The following POLN variants were observed in gnomAD, a reference collection of about 807,000 sequenced individuals.
POLN encodes the protein DNA polymerase N.
In POLN, 108 loss-of-function variants were observed where a neutral mutation model predicts 113.5. The ratio of observed to expected loss-of-function variants is 0.95; its 90% CI spans 0.81 to 1.12. The LOEUF is 1.12. Among genes scored for constraint, POLN ranks in the 50% most tolerant of loss-of-function variants. The pLI is 0.00. For missense variants in POLN, 1,097 were observed against 1,077.1 expected (o/e 1.02, Z -0.26); for synonymous variants, 386 against 391.5 (o/e 0.99, Z 0.17).
intron 16 of POLN, among the ~76,000 whole-genome samples, chr4:2,144,679 C>T (rs1169189882): frequency 6.6e-6 from 1 of 152,098 alleles, no homozygotes; most frequent in Admixed American, 6.5e-5. Context: ...TCCCCCACAC[C>T]CCAATAATCC....
intron 5 of POLN, among the ~76,000 whole-genome samples, chr4:2,201,040 G>A (rs1733696390): frequency 6.6e-6 from 1 of 152,204 alleles, no homozygotes; most frequent in African/African-American, 2.4e-5. Flanking sequence ...GGCCAAGGCA[G>A]GCAGATCATG....
intron 23 of POLN, chr4:2,077,004 A>C (rs1331773870): frequency 6.7e-6 from 1 of 149,238 alleles, no homozygotes; most frequent in Admixed American, 6.7e-5. Context: ...CAAGGAGGCT[A>C]TTTTTTTTTT....
chr4:2,112,511 T>A (rs1443133582), intron 19 of POLN, among the ~76,000 whole-genome samples: 1 of 152,108 alleles, frequency 6.6e-6, no homozygotes, highest in Non-Finnish European at 1.5e-5. Context: ...ATATCCAGAA[T>A]CTACAATGAA....
chr4:2,100,218 C>A (rs1346355150), intron 19 of POLN, among the ~76,000 whole-genome samples: 2 of 152,000 alleles, frequency 1.3e-5, no homozygotes, highest in East Asian at 3.9e-4. Flanking sequence ...GTCTAGTGGG[C>A]TTATGGAAAT....
chr4:2,138,286 T>G (rs2108729690), intron 16 of POLN, among the ~76,000 whole-genome samples: 1 of 152,288 alleles, frequency 6.6e-6, no homozygotes, highest in Middle Eastern at 3.4e-3. Context: ...CCCAAAGCCC[T>G]AAGAGCTAGG....
intron 11 of POLN, among the ~76,000 whole-genome samples, chr4:2,171,687 C>A (rs1732865526): frequency 6.6e-6 from 1 of 150,464 alleles, no homozygotes; most frequent in African/African-American, 2.4e-5. Context: ...CACCGGTGAT[C>A]CCAGCACTTT....
chr4:2,221,457 A>C (rs1313593115), intron 3 of POLN, among the ~76,000 whole-genome samples: 1 of 152,198 alleles, frequency 6.6e-6, no homozygotes, highest in Non-Finnish European at 1.5e-5. Context: ...ACCTGAGACA[A>C]ATGGGGATCT....
chr4:2,133,111 G>C (rs1207814725), intron 16 of POLN, among the ~76,000 whole-genome samples: 2 of 146,524 alleles, frequency 1.4e-5, no homozygotes, highest in Admixed American at 1.4e-4. Flanking sequence ...TTTGAGGCCA[G>C]CCTGATGTAA....
At position 2,085,753 on chromosome 4, in the gene POLN, CAG is replaced by C. The variant is rs1165726360; in HGVS notation, c.2066-11_2066-10del. The stretch of plus-strand genomic sequence containing the variant: ...AGCCAGCCGCTCCTTCCCTGTCAGT[CAG>C]AGAGACGCATGTCAAAGCCTCACTC... On this transcript the variant is annotated splice_polypyrimidine_tract_variant and intron_variant, in intron 20 of 25. Coordinates refer to ENST00000511885, the MANE Select transcript of POLN (RefSeq NM_181808.4). 10 of 1,613,136 alleles carry C rather than the reference CAG, an allele frequency of 6.2e-6. 1 individual carries two copies. In the South Asian group the frequency reaches 7.7e-5, roughly 12 times the overall value.
chr4:2,143,887 T>C (rs986926085), intron 16 of POLN, among the ~76,000 whole-genome samples: 4 of 152,148 alleles, frequency 2.6e-5, no homozygotes, highest in African/African-American at 9.7e-5. Context: ...AACCTGTATA[T>C]GAATGTCTTT....
At chr4:2,138,666 T>A (rs977479206) in intron 16 of POLN, among the ~76,000 whole-genome samples, 1 of 151,718 alleles carries the variant, frequency 6.6e-6, no homozygotes, top group African/African-American at 2.4e-5. Context: ...CTTTGAGAGG[T>A]TGAGGTGGGC....
intron 20 of POLN, among the ~76,000 whole-genome samples, chr4:2,091,624 A>T (rs1011002594): frequency 2.0e-5 from 3 of 152,062 alleles, no homozygotes; most frequent in Admixed American, 6.5e-5. Flanking sequence ...GATTCCGTTG[A>T]TCCTGTTTCA....
At chr4:2,149,668 C>T (rs1732240219) in intron 16 of POLN, among the ~76,000 whole-genome samples, 1 of 152,056 alleles carries the variant, frequency 6.6e-6, no homozygotes, top group Non-Finnish European at 1.5e-5. Flanking sequence ...CATCTGTGGT[C>T]CTAGCTACTC....
chr4:2,080,722 G>A (rs1444768567), intron 23 of POLN: 1 of 1,412,286 alleles, frequency 7.1e-7, no homozygotes, highest in South Asian at 1.5e-5. Context: ...GTCTGGGGGA[G>A]ACAGCATTTC....
At chr4:2,163,491 C>T (rs938543040) in intron 13 of POLN, among the ~76,000 whole-genome samples, 1 of 152,242 alleles carries the variant, frequency 6.6e-6, no homozygotes, top group Non-Finnish European at 1.5e-5. Flanking sequence ...ACCATGGCTC[C>T]GCGGGCTCAC....
At chr4:2,165,282 G>T (rs1732702061) in intron 13 of POLN, among the ~76,000 whole-genome samples, 1 of 152,202 alleles carries the variant, frequency 6.6e-6, no homozygotes, top group African/African-American at 2.4e-5. Flanking sequence ...AAAAGACATG[G>T]AAGAAACTTA....
At chr4:2,110,125 G>A (rs1419255490) in intron 19 of POLN, among the ~76,000 whole-genome samples, 2 of 152,210 alleles carry the variant, frequency 1.3e-5, no homozygotes, top group Non-Finnish European at 2.9e-5. Context: ...TGAACAACCT[G>A]CTCCTGAATG....
chr4:2,156,840 G>A lies in POLN; in HGVS notation c.1679C>T (p.Ser560Phe), dbSNP rs1732445798. ...LACMKKGSIS[S>F]TWNQTGTVTG... ...CACAGTTCCAGTCTGATTCCATGTA[G>A]AGGAAATGGAGCCCTTTATTAGTTA... The change falls in exon 16 of 26, where the codon TCT becomes TTT. Residue 560 changes from serine (S) to phenylalanine (F), a missense_variant. Physicochemically the swap from Ser to Phe is radical, Grantham distance 155 (BLOSUM62 -2). Coordinates refer to ENST00000511885, the MANE Select transcript of POLN (RefSeq NM_181808.4). The A allele has an allele frequency of 6.2e-7, 1 of 1,611,568 alleles. No individual in the cohort carries two copies. The highest frequency in any genetic ancestry group is 8.5e-7 in the Non-Finnish European group (1 of 1,177,626).
chr4:2,115,386 T>G (rs963967081), intron 19 of POLN, among the ~76,000 whole-genome samples: 1 of 151,948 alleles, frequency 6.6e-6, no homozygotes, highest in Non-Finnish European at 1.5e-5. Flanking sequence ...GATGTAGTAT[T>G]TTTCATCTCT....
Sources: allele counts gnomAD v4.1 joint callset (sites outside exome capture counted in the v4.1 genomes callset), GRCh38; gene constraint gnomAD v4.1.1; transcripts MANE v1.5; gene names NCBI Gene and HGNC (gene_info 2026-07-23, HGNC 2026-07-21).